Variants in SCN11A observed in about 807,000 individuals in gnomAD.
SCN11A encodes sodium voltage-gated channel alpha subunit 11.
In SCN11A, 122 loss-of-function variants were observed where a neutral mutation model predicts 162.2. The observed-to-expected ratio is 0.75, with a 90% CI of 0.65 to 0.87. The LOEUF (loss-of-function observed/expected upper bound fraction) is 0.87, where lower values mean the gene tolerates loss of function less well. Ranked by LOEUF, SCN11A falls within the 40% of genes least tolerant of loss-of-function variation. SCN11A has a pLI of 0.00. For synonymous variants in SCN11A, 758 were observed against 751.5 expected, an observed-to-expected ratio of 1.01 and a Z score of -0.14; for missense variants, 2,015 against 2,181.6, an observed-to-expected ratio of 0.92 and a Z score of 1.52.
intron 2 of SCN11A, among the ~76,000 whole-genome samples, chr3:39,023,525 A>T (rs779570585): frequency 5.3e-5 from 8 of 152,174 alleles, no homozygotes; most frequent in Non-Finnish European, 1.0e-4. Context: ...AGGTTTATAA[A>T]AAATACCCTT....
intron 2 of SCN11A, among the ~76,000 whole-genome samples, chr3:39,012,486 C>T (rs573089899): frequency 1.2e-3 from 146 of 121,308 alleles, no homozygotes; most frequent in African/African-American, 2.9e-3. Context: ...TTCTCTCTTT[C>T]TTTTTTTTTT....
At chr3:38,973,164 T>A (rs1435459368) in intron 2 of SCN11A, among the ~76,000 whole-genome samples, 1 of 152,216 alleles carries the variant, frequency 6.6e-6, no homozygotes, top group Non-Finnish European at 1.5e-5. Flanking sequence ...TTGAAGACCA[T>A]GTCACTTTTT....
intron 19 of SCN11A, 28 bp downstream of exon 19, chr3:38,894,505 C>T: frequency 1.9e-6 from 3 of 1,555,862 alleles, no homozygotes; most frequent in Middle Eastern, 1.7e-4. Context: ...TTTGTATGAC[C>T]TTTAAGTCTA....
At chr3:39,050,072 CA>C (rs1360473324) in intron 1 of SCN11A, among the ~76,000 whole-genome samples, 1 of 152,210 alleles carries the variant, frequency 6.6e-6, no homozygotes, top group East Asian at 1.9e-4. Flanking sequence ...GACACTTAAG[CA>C]ATTTTTAAAA....
At chr3:38,954,395 G>C (rs147314994) in intron 3 of SCN11A, among the ~76,000 whole-genome samples, 105 of 152,290 alleles carry the variant, frequency 6.9e-4, no homozygotes, top group Admixed American at 2.1e-3. Flanking sequence ...GAAAGACCCT[G>C]GATGGTAAAA....
intron 2 of SCN11A, among the ~76,000 whole-genome samples, chr3:38,962,275 T>G (rs751325772): frequency 6.6e-6 from 1 of 152,240 alleles, no homozygotes; most frequent in Non-Finnish European, 1.5e-5. Context: ...TATGGCCCTA[T>G]AGTATAATTT....
chr3:39,048,818 G>C (rs1482179716), intron 1 of SCN11A, among the ~76,000 whole-genome samples: 2 of 152,186 alleles, frequency 1.3e-5, no homozygotes, highest in Non-Finnish European at 2.9e-5. Flanking sequence ...CTCATCCTTG[G>C]AACCCAGTTA....
At chr3:39,022,000 C>T (rs1275754939) in intron 2 of SCN11A, among the ~76,000 whole-genome samples, 2 of 152,070 alleles carry the variant, frequency 1.3e-5, no homozygotes, top group Non-Finnish European at 2.9e-5. Flanking sequence ...AGAAACCAGC[C>T]CTTTCAAAAG....
chr3:38,943,769 A>G (rs2066475010), intron 7 of SCN11A, among the ~76,000 whole-genome samples: 1 of 149,932 alleles, frequency 6.7e-6, no homozygotes, highest in African/African-American at 2.4e-5. Context: ...AAAGTGGATC[A>G]CATGGAGGTA....
intron 5 of SCN11A, among the ~76,000 whole-genome samples, chr3:38,948,102 T>G (rs1189446826): frequency 1.3e-5 from 2 of 152,216 alleles, no homozygotes; most frequent in Non-Finnish European, 1.5e-5. Flanking sequence ...TGTGCTAGGG[T>G]ATTTTTCTTT....
At chr3:38,994,695 A>G (rs983603106) in intron 2 of SCN11A, among the ~76,000 whole-genome samples, 35 of 152,144 alleles carry the variant, frequency 2.3e-4, no homozygotes, top group Non-Finnish European at 8.8e-5. Context: ...GGGGTTTGTC[A>G]AGCCAAAGCA....
intron 2 of SCN11A, among the ~76,000 whole-genome samples, chr3:39,007,997 T>A (rs1398858233): frequency 6.6e-6 from 1 of 152,148 alleles, no homozygotes; most frequent in Non-Finnish European, 1.5e-5. Context: ...GTGTCAGAAG[T>A]GAATTAAATT....
At chr3:38,887,371 G>A (rs1422148354) in intron 19 of SCN11A, among the ~76,000 whole-genome samples, 1 of 147,670 alleles carries the variant, frequency 6.8e-6, no homozygotes, top group Non-Finnish European at 1.5e-5. Flanking sequence ...GCACCTCCTA[G>A]CCCCTCTTGC....
chr3:39,044,459 C>T (rs540961358), intron 1 of SCN11A, among the ~76,000 whole-genome samples: 44 of 152,146 alleles, frequency 2.9e-4, no homozygotes, highest in Admixed American at 9.8e-4. Flanking sequence ...AAAATCAAAA[C>T]CATATCAAGT....
intron 1 of SCN11A, among the ~76,000 whole-genome samples, chr3:39,048,877 G>A (rs1575374532): frequency 6.6e-6 from 1 of 152,208 alleles, no homozygotes; most frequent in African/African-American, 2.4e-5. Context: ...ATGAGAAGGT[G>A]TTCTAGCCAC....
intron 11 of SCN11A, among the ~76,000 whole-genome samples, chr3:38,913,216 C>T (rs1384161873): frequency 1.3e-5 from 2 of 152,018 alleles, no homozygotes; most frequent in African/African-American, 4.8e-5. Context: ...TTCTGATTTG[C>T]ATTTGTCTAA....
intron 29 of SCN11A, 72 bp downstream of exon 29, chr3:38,850,409 C>T: frequency 9.2e-6 from 13 of 1,416,268 alleles, no homozygotes; most frequent in African/African-American, 1.4e-5. Context: ...TTTGAACAAA[C>T]TTCAAAAAAT....
chr3:38,863,342 T>C (rs1304760885), intron 27 of SCN11A, 43 bp from the exon 28 acceptor site: 1 of 993,940 alleles, frequency 1.0e-6, no homozygotes, highest in Non-Finnish European at 1.5e-6. Flanking sequence ...AACAGTTTTT[T>C]TTTTAATCTA....
In SCN11A at chr3:38,922,694, G is replaced by A. The variant is rs141496426; in HGVS notation, c.713-1439C>T. On this transcript the variant is annotated intron_variant, in intron 9 of 29. Transcript: ENST00000302328. ...AGAAGGAGAAGGAGGAGGAGGAGGA[G>A]GAGGAGAAGAAGAGATAAATTGTAT... is the stretch of plus-strand genomic sequence containing the variant. Among the ~76,000 whole-genome samples the A allele has an allele frequency of 1.3e-4, 20 of 152,268 alleles. No homozygotes were observed. In the South Asian group the frequency reaches 1.7e-3, roughly 13 times the overall value.
Sources: gnomAD v4.1 joint callset for allele counts (sites outside exome capture counted in the v4.1 genomes callset) on GRCh38, gnomAD v4.1.1 for gene constraint, MANE v1.5 for transcripts, NCBI Gene and HGNC (gene_info 2026-07-23, HGNC 2026-07-21) for gene names.